The following DLG2 variants were observed in gnomAD, a reference collection of about 807,000 sequenced individuals.
The protein encoded by DLG2 is disks large homolog 2.
A neutral mutation model predicts 132.5 loss-of-function variants in DLG2; 45 were observed. That is an observed-to-expected ratio of 0.34 (90% CI 0.27 to 0.44). The LOEUF (loss-of-function observed/expected upper bound fraction) is 0.44, where lower values mean the gene tolerates loss of function less well. Ranked by LOEUF, DLG2 falls within the 20% of genes least tolerant of loss-of-function variation. DLG2 has a pLI of 1.00. For missense variants in DLG2, 1,045 were observed against 1,196.9 expected, an observed-to-expected ratio of 0.87 and a Z score of 1.87; for synonymous variants, 424 against 419.6, an observed-to-expected ratio of 1.01 and a Z score of -0.13.
rs181782381 is a variant in DLG2, at chr11:84,564,302, C to T, written c.358-29571G>A. Among the ~76,000 whole-genome samples, 13 of 152,300 alleles carry T rather than the reference C, an allele frequency of 8.5e-5. No homozygotes were observed. The East Asian group carries it at 2.3e-3, about 27-fold the overall frequency. On this transcript the variant is annotated intron_variant, in intron 6 of 27. Transcript: ENST00000376104. ...AATACTGAGAAGAGTGAGCAAGAAG[C>T]TGTCTAAAGTCCCTGTCAGCACTGA...
chr11:85,129,721 A>T (rs1034921189), intron 5 of DLG2, among the ~76,000 whole-genome samples: 1 of 152,202 alleles, frequency 6.6e-6, no homozygotes, highest in African/African-American at 2.4e-5. Flanking sequence ...TACCCAAAAG[A>T]TTATAAATCA....
At chr11:83,884,826 C>T (rs985579209) in intron 15 of DLG2, among the ~76,000 whole-genome samples, 6 of 152,200 alleles carry the variant, frequency 3.9e-5, no homozygotes, top group Non-Finnish European at 8.8e-5. Flanking sequence ...TGCTGGTACC[C>T]AGGCAAACAG....
intron 17 of DLG2, among the ~76,000 whole-genome samples, chr11:83,800,925 C>T (rs552194226): frequency 6.6e-6 from 1 of 152,270 alleles, no homozygotes; most frequent in African/African-American, 2.4e-5. Context: ...CTAGTATCTC[C>T]AAGCTCTGAT....
chr11:84,429,966 CTCT>C (rs756179645), intron 7 of DLG2, among the ~76,000 whole-genome samples: 3 of 152,164 alleles, frequency 2.0e-5, no homozygotes, highest in Non-Finnish European at 2.9e-5. Flanking sequence ...TCCAGCTTAT[CTCT>C]TCTCCATATC....
At chr11:83,971,697 T>C (rs2091376958) in intron 12 of DLG2, among the ~76,000 whole-genome samples, 1 of 152,120 alleles carries the variant, frequency 6.6e-6, no homozygotes, top group South Asian at 2.1e-4. Flanking sequence ...ACTCTAAAGT[T>C]AACTTTTAAA....
chr11:84,603,166 T>C (rs1416375444), intron 6 of DLG2, among the ~76,000 whole-genome samples: 2 of 151,954 alleles, frequency 1.3e-5, no homozygotes, highest in Admixed American at 6.6e-5. Context: ...ACATTATAAA[T>C]GCTTTAGAAG....
At chr11:85,205,146 G>GTA (rs376041155) in intron 4 of DLG2, among the ~76,000 whole-genome samples, 2,704 of 141,646 alleles carry the variant, frequency 0.019, 33 homozygotes, top group East Asian at 0.046. Flanking sequence ...ATATGTGTGT[G>GTA]TATATATATA....
At chr11:84,216,421 G>A (rs1411767985) in intron 8 of DLG2, among the ~76,000 whole-genome samples, 2 of 152,016 alleles carry the variant, frequency 1.3e-5, no homozygotes, top group African/African-American at 4.8e-5. Context: ...ATCACGGGGG[G>A]CAAAAATCTG....
At chr11:83,910,772 G>A (rs186866066) in intron 15 of DLG2, among the ~76,000 whole-genome samples, 181 of 152,218 alleles carry the variant, frequency 1.2e-3, no homozygotes, top group Admixed American at 4.3e-3. Context: ...ACTTTGAGAA[G>A]ACATTTCAGT....
At chr11:84,179,463 GA>G (rs752669529) in intron 8 of DLG2, among the ~76,000 whole-genome samples, 1 of 152,142 alleles carries the variant, frequency 6.6e-6, no homozygotes, top group Non-Finnish European at 1.5e-5. Context: ...TGCCAGGGTA[GA>G]AAAACCTGAA....
At chr11:85,486,205 C>T (rs1368501516) in intron 3 of DLG2, among the ~76,000 whole-genome samples, 5 of 152,070 alleles carry the variant, frequency 3.3e-5, no homozygotes, top group African/African-American at 7.2e-5. Flanking sequence ...AAAGAGGAGA[C>T]CAGGCACTCC....
At chr11:85,614,864 G>A (rs2081240321) in intron 2 of DLG2, among the ~76,000 whole-genome samples, 1 of 152,168 alleles carries the variant, frequency 6.6e-6, no homozygotes, top group African/African-American at 2.4e-5. Flanking sequence ...CTACATAACA[G>A]TAAGTGCTGG....
chr11:84,952,465 G>T (rs528030653), intron 6 of DLG2, among the ~76,000 whole-genome samples: 3 of 152,028 alleles, frequency 2.0e-5, no homozygotes, highest in South Asian at 2.1e-4. Context: ...TGCAGTGAGC[G>T]GAGATCGCGC....
At chr11:85,018,738 G>A (rs1045130292) in intron 6 of DLG2, among the ~76,000 whole-genome samples, 2 of 151,458 alleles carry the variant, frequency 1.3e-5, no homozygotes, top group African/African-American at 4.9e-5. Context: ...AATTAATAAG[G>A]TAGATGTAAT....
rs1307533588 is a variant in DLG2 at position 84,586,412 on chromosome 11, T to C, written c.358-51681A>G. ...TTTATTTTATTTAGCATTTGCCTAG[T>C]ACATATTTGTTCCATTTGTTAACTT... On this transcript the variant is annotated intron_variant, in intron 6 of 27. Transcript: ENST00000376104. Among the ~76,000 whole-genome samples, 5 of 152,320 alleles carry C rather than the reference T, an allele frequency of 3.3e-5. No individual in the cohort carries two copies. The East Asian group carries it at 9.6e-4, about 29-fold the overall frequency.
chr11:85,239,754 A>G (rs781765537), intron 4 of DLG2, among the ~76,000 whole-genome samples: 17 of 151,970 alleles, frequency 1.1e-4, no homozygotes, highest in Non-Finnish European at 2.1e-4. Flanking sequence ...CAATTTGAAT[A>G]CTATGTAATT....
At chr11:83,965,787 T>C (rs922711109) in intron 12 of DLG2, among the ~76,000 whole-genome samples, 1 of 151,900 alleles carries the variant, frequency 6.6e-6, no homozygotes, top group Non-Finnish European at 1.5e-5. Flanking sequence ...GTAACACATA[T>C]TAGTGGAAGA....
intron 11 of DLG2, among the ~76,000 whole-genome samples, chr11:84,032,298 G>A (rs2095719808): frequency 1.3e-5 from 2 of 152,300 alleles, no homozygotes; most frequent in South Asian, 4.1e-4. Flanking sequence ...CAAAGGAAGA[G>A]TTCTTGAAGG....
chr11:85,455,915 G>C (rs190391453), intron 3 of DLG2, among the ~76,000 whole-genome samples: 8 of 152,218 alleles, frequency 5.3e-5, no homozygotes, highest in Non-Finnish European at 1.2e-4. Context: ...GCTGAGTTCA[G>C]TTTGCTACTA....
Sources: gnomAD v4.1 joint callset for allele counts (sites outside exome capture counted in the v4.1 genomes callset) on GRCh38, gnomAD v4.1.1 for gene constraint, MANE v1.5 for transcripts, NCBI Gene and HGNC (gene_info 2026-07-23, HGNC 2026-07-21) for gene names.